The following HEATR1 variants were observed in gnomAD, a reference collection of about 807,000 sequenced individuals.
HEATR1 encodes the protein HEAT repeat containing 1, also known as HEAT repeat-containing protein 1.
Under a neutral mutation model 248.2 loss-of-function variants are expected in HEATR1, and 77 were observed. That is an observed-to-expected ratio of 0.31 (90% CI 0.26 to 0.37). The LOEUF is 0.37. Ranked by LOEUF, HEATR1 falls within the 10% of genes least tolerant of loss-of-function variation. The probability of loss-of-function intolerance (pLI) is 1.00; values close to 1 mark genes in which losing one functional copy is unlikely to be tolerated. For missense variants in HEATR1, 2,420 were observed against 2,504.9 expected, an observed-to-expected ratio of 0.97 and a Z score of 0.72; for synonymous variants, 897 against 923.1, an observed-to-expected ratio of 0.97 and a Z score of 0.51.
At chr1:236,597,258 T>A (rs756639497) in intron 5 of HEATR1, among the ~76,000 whole-genome samples, 176 of 12,434 alleles carry the variant, frequency 0.014, 2 homozygotes, top group Middle Eastern at 0.038. Context: ...AAAAAAAAAT[T>A]TTTTTTTTTT....
rs770743522 is a variant in HEATR1 at position 236,552,054 on chromosome 1, C to A, written c.6291G>T (p.Glu2097Asp). The A allele has an allele frequency of 2.5e-6, 4 of 1,613,604 alleles. No homozygotes were observed. Among genetic ancestry groups the A allele is most frequent in the Admixed American group, 3.3e-5 (2 of 59,968 alleles). The change falls in exon 44 of 45, where the codon GAG becomes GAT. Residue 2097 changes from glutamate (E) to aspartate (D), a missense_variant. Glu to Asp is a conservative substitution (Grantham distance 45). Transcript: ENST00000366582. ...ATTCTGGTAGCAAGACAATATAATT[C>A]TCCTTTAGTTTTTCAGCCAGTGCTA... ...TVLALAEKLK[E>D]NYIVLLPESI... is the part of the protein sequence containing the mutation.
intron 29 of HEATR1, among the ~76,000 whole-genome samples, chr1:236,568,109 A>G (rs959225203): frequency 2.6e-5 from 4 of 152,198 alleles, no homozygotes; most frequent in African/African-American, 4.8e-5. Flanking sequence ...GCCTTTTCTC[A>G]TACTATTGGC....
chr1:236,597,096 G>A, intron 5 of HEATR1, 120 bp from the exon 6 acceptor site: 1 of 727,808 alleles, frequency 1.4e-6, no homozygotes, highest in Non-Finnish European at 2.0e-6. Flanking sequence ...CTGTACTCTA[G>A]CCTGGGCGAC....
intron 22 of HEATR1, among the ~76,000 whole-genome samples, chr1:236,575,171 G>A (rs1467845940): frequency 6.6e-6 from 1 of 152,138 alleles, no homozygotes; most frequent in East Asian, 1.9e-4. Context: ...CAAGACTTGA[G>A]AACAGAAAAC....
chr1:236,584,552 A>G (rs1663835338), intron 17 of HEATR1, among the ~76,000 whole-genome samples: 1 of 152,252 alleles, frequency 6.6e-6, no homozygotes, highest in Non-Finnish European at 1.5e-5. Flanking sequence ...TGTCAAATGT[A>G]AACAGCTGAA....
chr1:236,582,409 C>CTT (rs200940042), intron 19 of HEATR1, among the ~76,000 whole-genome samples: 3 of 138,468 alleles, frequency 2.2e-5, no homozygotes, highest in Non-Finnish European at 3.2e-5. Flanking sequence ...CCCAGCCCAT[C>CTT]TTTTTTTTTT....
intron 12 of HEATR1, among the ~76,000 whole-genome samples, chr1:236,590,115 A>G (rs1350784489): frequency 2.6e-5 from 4 of 152,268 alleles, no homozygotes; most frequent in Non-Finnish European, 5.9e-5. Flanking sequence ...GAAACCACTA[A>G]CATTTTAAAG....
chr1:236,601,485 A>G (rs998804274), intron 3 of HEATR1, among the ~76,000 whole-genome samples: 3 of 152,138 alleles, frequency 2.0e-5, no homozygotes, highest in African/African-American at 7.2e-5. Context: ...TCTCCAATTA[A>G]TGGAATAGAA....
At position 236,566,005 on chromosome 1, in the gene HEATR1, A is replaced by G; in HGVS notation, c.4349T>C (p.Val1450Ala). Residue 1450 changes from valine to alanine, a missense_variant, in exon 31 of 45, where the codon GTC (valine) becomes GCC (alanine). Val to Ala is a moderately conservative substitution (Grantham distance 64). Coordinates refer to ENST00000366582, the MANE Select transcript of HEATR1 (RefSeq NM_018072.6). Reference sequence around the variant, plus strand: ...ATGCTGGACACTAAACTCACAACAGACTGAAAACCAAAATTCAGTGTCTGC... The same window carrying G: ...ATGCTGGACACTAAACTCACAACAGGCTGAAAACCAAAATTCAGTGTCTGC... ...LEADTEFWFS[V>A]CCEFSVQHQI... 1 of 1,613,976 alleles carries G rather than the reference A, an allele frequency of 6.2e-7. No homozygotes were observed. Among genetic ancestry groups the G allele is most frequent in the Non-Finnish European group, 8.5e-7 (1 of 1,179,946 alleles).
At chr1:236,591,239 G>A (rs921467023) in intron 11 of HEATR1, among the ~76,000 whole-genome samples, 14 of 152,066 alleles carry the variant, frequency 9.2e-5, no homozygotes, top group South Asian at 2.1e-4. Flanking sequence ...TTTTGTATGC[G>A]TATCTGATAA....
Position 236,592,608 on chromosome 1 carries a change from A to G in HEATR1, c.1219T>C (p.Tyr407His), listed in dbSNP as rs919786919. The change falls in exon 10 of 45, where the codon TAT becomes CAT. Residue 407 changes from tyrosine (Y) to histidine (H), a missense_variant. By Grantham distance (83) the Tyr-to-His change is moderately conservative. Coordinates refer to ENST00000366582, the MANE Select transcript of HEATR1 (RefSeq NM_018072.6). ...ASLLFEEYIS[Y>H]SSQEEMDSNK... The stretch of plus-strand genomic sequence containing the variant: ...GAATCCATTTCTTCCTGTGAACTAT[A>G]TGAAATATACTCTTCAAATAGAAGG... 1 of 1,460,010 alleles carries G rather than the reference A, an allele frequency of 6.8e-7. No individual in the cohort carries two copies. Among genetic ancestry groups the G allele is most frequent in the Admixed American group, 1.7e-5 (1 of 58,010 alleles). 90.4% of individuals were successfully genotyped at this position (1,460,010 alleles called of 1,614,324 possible).
Position 236,557,237 on chromosome 1 carries a change from G to C in HEATR1, c.5313C>G (p.Leu1771=). Residue 1771 remains leucine (L), a synonymous_variant, in exon 37 of 45, where the codon CTC becomes CTG. Transcript: ENST00000366582. The part of the protein sequence containing the change: ...LAALQKVVET[L]PHFISPYLEG... The stretch of plus-strand genomic sequence containing the variant: ...CCAGATAGGGGCTGATGAAGTGCGG[G>C]AGAGTCTCCACAACCTTCTGCAGAG... 6.2e-7 allele frequency: 1 copy of C among 1,614,184 alleles called. No individual in the cohort carries two copies. The highest frequency in any genetic ancestry group is 8.5e-7 in the Non-Finnish European group (1 of 1,180,018).
intron 3 of HEATR1, among the ~76,000 whole-genome samples, chr1:236,600,147 T>TTTTTTGG (rs1664281333): frequency 8.7e-6 from 1 of 114,416 alleles, no homozygotes; most frequent in African/African-American, 3.7e-5. Flanking sequence ...TTTTTTTTTT[T>TTTTTTGG]GAGAGGGAGT....
At position 236,581,190 on chromosome 1, in the gene HEATR1, A is replaced by G. The variant is rs749134861; in HGVS notation, c.2755+32T>C. ...ATAGAGAAAGCATGAACAGTTGGTCATGACAAAACATAACAATGCTACTTT... is the reference window on the plus strand; with the variant it reads ...ATAGAGAAAGCATGAACAGTTGGTCGTGACAAAACATAACAATGCTACTTT... On this transcript the variant is annotated intron_variant, in intron 20 of 44. Transcript: ENST00000366582. 17 of 1,545,616 alleles carry G rather than the reference A, an allele frequency of 1.1e-5. 1 individual carries two copies. In the Admixed American group the frequency reaches 2.8e-4, roughly 25 times the overall value.
chr1:236,566,024 T>C lies in HEATR1; in HGVS notation c.4330A>G (p.Thr1444Ala). ...CAACAGACTGAAAACCAAAATTCAG[T>C]GTCTGCTTCTAAAATAGCATCCTGT... Reference protein sequence around the residue: ...GEKDAILEADTEFWFSVCCEF... With the variant: ...GEKDAILEADAEFWFSVCCEF... The change falls in exon 31 of 45, where the codon ACT (threonine) becomes GCT (alanine). Residue 1444 changes from threonine (T) to alanine (A), a missense_variant. Physicochemically the swap from Thr to Ala is moderately conservative, Grantham distance 58 (BLOSUM62 0). Coordinates refer to ENST00000366582, the MANE Select transcript of HEATR1 (RefSeq NM_018072.6). The C allele has an allele frequency of 6.2e-7, 1 of 1,613,772 alleles. No individual in the cohort carries two copies. The highest frequency in any genetic ancestry group is 1.1e-5 in the South Asian group (1 of 91,024).
chr1:236,562,349 C>T (rs1353225764), intron 32 of HEATR1, among the ~76,000 whole-genome samples: 1 of 152,186 alleles, frequency 6.6e-6, no homozygotes, highest in East Asian at 1.9e-4. Context: ...ATCATGTTCT[C>T]CTTGATTTTC....
At chr1:236,577,057 A>C (rs989952103) in intron 20 of HEATR1, 108 bp from the exon 21 acceptor site, 2 of 783,500 alleles carry the variant, frequency 2.6e-6, no homozygotes, top group Non-Finnish European at 3.9e-6. Context: ...TTCGAATTCA[A>C]ACTCCTTCTC....
intron 29 of HEATR1, 43 bp downstream of exon 29, chr1:236,568,953 A>T (rs981617535): frequency 9.6e-6 from 13 of 1,350,552 alleles, no homozygotes; most frequent in Non-Finnish European, 1.3e-5. Flanking sequence ...CAAAATTTTT[A>T]AATTAAAAAA....
At chr1:236,551,136 C>T (rs917291045) in intron 44 of HEATR1, 146 bp from the exon 45 acceptor site, 13 of 613,708 alleles carry the variant, frequency 2.1e-5, no homozygotes, top group African/African-American at 1.3e-4. Context: ...AAGCAGGAGG[C>T]GCCACGGACC....
Sources: allele counts gnomAD v4.1 joint callset (sites outside exome capture counted in the v4.1 genomes callset), GRCh38; gene constraint gnomAD v4.1.1; transcripts MANE v1.5; gene names NCBI Gene and HGNC (gene_info 2026-07-23, HGNC 2026-07-21).